Variants in KCND3 observed in about 807,000 individuals in gnomAD.
KCND3 encodes the protein A-type voltage-gated potassium channel KCND3.
In KCND3, 9 loss-of-function variants were observed where a neutral mutation model predicts 51.1. The observed-to-expected ratio is 0.18, with a 90% CI of 0.11 to 0.31. The LOEUF (loss-of-function observed/expected upper bound fraction) is 0.31. KCND3 is among the 10% of genes least tolerant of loss of function. KCND3 has a pLI of 1.00. For synonymous variants in KCND3, 349 were observed against 368.0 expected (o/e 0.95, Z 0.59); for missense variants, 526 against 903.8 (o/e 0.58, Z 5.36).
At chr1:111,922,692 T>C (rs1671527460) in intron 2 of KCND3, among the ~76,000 whole-genome samples, 1 of 152,234 alleles carries the variant, frequency 6.6e-6, no homozygotes, top group Non-Finnish European at 1.5e-5. Flanking sequence ...ATAGGAAGCA[T>C]GGTGGAACCT....
chr1:111,904,557 G>T (rs1197056605), intron 2 of KCND3, among the ~76,000 whole-genome samples: 1 of 152,158 alleles, frequency 6.6e-6, no homozygotes. Context: ...TGCTGAGCTG[G>T]AAGTCAGCCT....
At chr1:111,851,298 T>A (rs533527483) in intron 2 of KCND3, among the ~76,000 whole-genome samples, 1 of 152,354 alleles carries the variant, frequency 6.6e-6, no homozygotes, top group African/African-American at 2.4e-5. Context: ...TCTAAGCACC[T>A]TCATATCATC....
Position 111,772,191 on chromosome 1 carries a change from T to C in KCND3, c.*3886A>G, listed in dbSNP as rs1248947900. The C allele has an allele frequency of 6.6e-6, 1 of 152,210 alleles. No individual in the cohort carries two copies. Among genetic ancestry groups the C allele is most frequent in the Non-Finnish European group, 1.5e-5 (1 of 68,040 alleles). The allele number at this position is 152,210 out of a possible 1,614,324, so 9.4% of individuals were successfully genotyped here. On this transcript the variant is annotated 3_prime_UTR_variant, in exon 8 of 8. Transcript: ENST00000302127. Reference sequence around the variant, plus strand: ...TACTTTACCTACTACCATCACAGACTGTCATAAGAACCACAAGGAGTATAA... The same window carrying C: ...TACTTTACCTACTACCATCACAGACCGTCATAAGAACCACAAGGAGTATAA...
At chr1:111,859,434 C>G (rs1469211453) in intron 2 of KCND3, among the ~76,000 whole-genome samples, 1 of 152,212 alleles carries the variant, frequency 6.6e-6, no homozygotes, top group Non-Finnish European at 1.5e-5. Flanking sequence ...AAGTGTGGTA[C>G]TTTACTCTCT....
intron 2 of KCND3, among the ~76,000 whole-genome samples, chr1:111,809,011 G>C (rs776075602): frequency 2.6e-5 from 4 of 152,238 alleles, no homozygotes; most frequent in Non-Finnish European, 4.4e-5. Context: ...ACCAGGGCCA[G>C]TGACCTGTCT....
chr1:111,979,224 C>T (rs997094286), intron 2 of KCND3, among the ~76,000 whole-genome samples: 6 of 152,122 alleles, frequency 3.9e-5, no homozygotes, highest in African/African-American at 1.4e-4. Context: ...CTATCAGTTC[C>T]CTCCCAAGAA....
chr1:111,946,877 G>C (rs927735187), intron 2 of KCND3, among the ~76,000 whole-genome samples: 5 of 152,228 alleles, frequency 3.3e-5, no homozygotes, highest in African/African-American at 1.2e-4. Flanking sequence ...GAACTGCATG[G>C]ATCAGGAACT....
chr1:111,845,461 C>T (rs1289126637), intron 2 of KCND3, among the ~76,000 whole-genome samples: 1 of 152,176 alleles, frequency 6.6e-6, no homozygotes, highest in Non-Finnish European at 1.5e-5. Context: ...TCCAGTAGCT[C>T]CACTCACTTC....
At chr1:111,915,331 T>C (rs570721035) in intron 2 of KCND3, among the ~76,000 whole-genome samples, 73 of 152,180 alleles carry the variant, frequency 4.8e-4, no homozygotes, top group African/African-American at 1.6e-3. Flanking sequence ...ATAATCACAT[T>C]GGATTTTTTT....
Position 111,829,987 on chromosome 1 carries a change from G to A in KCND3, c.1107-42881C>T, listed in dbSNP as rs528829098. Among the ~76,000 whole-genome samples, 13 of 152,104 alleles carry A rather than the reference G, an allele frequency of 8.5e-5. No homozygotes were observed. The South Asian group carries it at 2.3e-3, about 27-fold the overall frequency. The stretch of plus-strand genomic sequence containing the variant: ...TTCTACTGCCATTCTGTTCACTATC[G>A]ACTCTTCGGTGGCTATTGTTCCAAC... On this transcript the variant is annotated intron_variant, in intron 2 of 7. Coordinates refer to ENST00000302127, the MANE Select transcript of KCND3 (RefSeq NM_001378969.1).
intron 2 of KCND3, among the ~76,000 whole-genome samples, chr1:111,808,288 C>T (rs560322917): frequency 2.6e-5 from 4 of 152,300 alleles, no homozygotes; most frequent in African/African-American, 7.2e-5. Context: ...TGACGTCTGC[C>T]ACTCCATTTC....
At chr1:111,907,862 A>G (rs565706638) in intron 2 of KCND3, among the ~76,000 whole-genome samples, 8 of 152,356 alleles carry the variant, frequency 5.3e-5, no homozygotes, top group African/African-American at 1.7e-4. Flanking sequence ...CAGCTCTTCT[A>G]CCAGCTTTTT....
chr1:111,939,085 T>A (rs1431767974), intron 2 of KCND3, among the ~76,000 whole-genome samples: 1 of 152,248 alleles, frequency 6.6e-6, no homozygotes, highest in East Asian at 1.9e-4. Flanking sequence ...ACCGTCTGAA[T>A]CTGAATCTGC....
chr1:111,890,266 T>C (rs1669768917), intron 2 of KCND3, among the ~76,000 whole-genome samples: 2 of 152,018 alleles, frequency 1.3e-5, no homozygotes, highest in Admixed American at 6.6e-5. Context: ...AAGATGGAGA[T>C]GGTGAGAGGG....
At chr1:111,865,059 T>C (rs1668496648) in intron 2 of KCND3, among the ~76,000 whole-genome samples, 1 of 152,222 alleles carries the variant, frequency 6.6e-6, no homozygotes, top group Non-Finnish European at 1.5e-5. Flanking sequence ...CATCTTGGTC[T>C]GAAAGTGTCC....
At chr1:111,891,582 T>A (rs1324257543) in intron 2 of KCND3, among the ~76,000 whole-genome samples, 1 of 152,160 alleles carries the variant, frequency 6.6e-6, no homozygotes, top group East Asian at 1.9e-4. Context: ...TATTAACTTG[T>A]TAAACACTGT....
rs139537176 is a variant in KCND3 at position 111,893,614 on chromosome 1, C to A, written c.1106+88007G>T. Among the ~76,000 whole-genome samples the A allele has an allele frequency of 1.3e-5, 2 of 152,176 alleles. 1 individual carries two copies. The highest frequency in any genetic ancestry group is 2.9e-5 in the Non-Finnish European group (2 of 68,032). ...TCAACACTACTTACCTGCCCCTATG[C>A]GGTGCTTCACCCTCTGTTAGGTGCT... On this transcript the variant is annotated intron_variant, in intron 2 of 7. Coordinates refer to ENST00000302127, the MANE Select transcript of KCND3 (RefSeq NM_001378969.1).
intron 2 of KCND3, among the ~76,000 whole-genome samples, chr1:111,926,390 A>G (rs1444946738): frequency 2.0e-5 from 3 of 152,248 alleles, no homozygotes; most frequent in Non-Finnish European, 4.4e-5. Context: ...CTCTTATTAA[A>G]GATGAGGTGA....
intron 2 of KCND3, chr1:111,853,779 T>C (rs1368558900): frequency 1.3e-5 from 2 of 152,184 alleles, no homozygotes; most frequent in African/African-American, 4.8e-5. Context: ...TCAATAACGG[T>C]TTATTGAATG....
Sources: allele counts gnomAD v4.1 joint callset (sites outside exome capture counted in the v4.1 genomes callset), GRCh38; gene constraint gnomAD v4.1.1; transcripts MANE v1.5; gene names NCBI Gene and HGNC (gene_info 2026-07-23, HGNC 2026-07-21).